Variants in NPAT observed in about 807,000 individuals in gnomAD.
NPAT encodes protein NPAT.
NPAT carries 52 observed loss-of-function variants against 130.7 expected under a neutral mutation model. That is an observed-to-expected ratio of 0.40 (90% CI 0.32 to 0.50). The LOEUF is 0.50. NPAT is among the 20% of genes least tolerant of loss of function. NPAT has a pLI of 0.68. For synonymous variants in NPAT, 580 were observed against 584.8 expected, an observed-to-expected ratio of 0.99 and a Z score of 0.12; for missense variants, 1,687 against 1,662.6, an observed-to-expected ratio of 1.01 and a Z score of -0.26.
Position 108,186,476 on chromosome 11 carries a change from A to T in NPAT, c.726+6T>A. The T allele has an allele frequency of 6.2e-7, 1 of 1,611,898 alleles. No homozygotes were observed. Among genetic ancestry groups the T allele is most frequent in the Non-Finnish European group, 8.5e-7 (1 of 1,178,040 alleles). Reference sequence around the variant, plus strand: ...TTAAGTTGCAAAGTTTGGCAGAGTCACTTACTTTTTCTACTGCAAAAGCGT... The same window carrying T: ...TTAAGTTGCAAAGTTTGGCAGAGTCTCTTACTTTTTCTACTGCAAAAGCGT... On this transcript the variant is annotated splice_donor_region_variant and intron_variant, in intron 8 of 17. Transcript: ENST00000278612.
At chr11:108,199,282 A>G (rs779072778) in intron 1 of NPAT, among the ~76,000 whole-genome samples, 2 of 152,174 alleles carry the variant, frequency 1.3e-5, no homozygotes, top group African/African-American at 4.8e-5. Context: ...GTGGAAGACA[A>G]TCATGGCACA....
intron 10 of NPAT, among the ~76,000 whole-genome samples, chr11:108,184,514 ACT>A (rs2078086357): frequency 7.1e-6 from 1 of 140,428 alleles, no homozygotes; most frequent in Non-Finnish European, 1.5e-5. Context: ...GTTAACTATT[ACT>A]TGGATTCATT....
chr11:108,167,584 A>C (rs572237718), intron 15 of NPAT, among the ~76,000 whole-genome samples: 1 of 152,316 alleles, frequency 6.6e-6, no homozygotes, highest in South Asian at 2.1e-4. Context: ...GTGGAAGTAT[A>C]ATCAGATGTC....
Position 108,172,740 on chromosome 11 carries a change from T to C in NPAT, c.2244A>G (p.Pro748=), listed in dbSNP as rs372808590. Residue 748 remains proline (P), a synonymous_variant, in exon 13 of 18, where the codon CCA becomes CCG. Transcript: ENST00000278612. ...TAAGTTCAGTATCTGAGGAAACAAA[T>C]GGATCATCACTAATGATAACTTTGA... ...VSLKVIISDD[P]FVSSDTELTS... The C allele has an allele frequency of 6.2e-7, 1 of 1,613,416 alleles. No individual in the cohort carries two copies. Among genetic ancestry groups the C allele is most frequent in the African/African-American group, 1.3e-5 (1 of 74,914 alleles).
intron 1 of NPAT, among the ~76,000 whole-genome samples, chr11:108,202,809 G>A (rs929100021): frequency 1.3e-5 from 2 of 152,054 alleles, no homozygotes; most frequent in African/African-American, 2.4e-5. Flanking sequence ...TCCTAGTGTG[G>A]GTAGATATCT....
In NPAT at chr11:108,172,387, A is replaced by C; in HGVS notation, c.2597T>G (p.Ile866Ser). ...ATCAGTCACACAGGTAGCTATCAGA[A>C]TGTTATTTGAATTGCCAAAAGCTGT... The part of the protein sequence containing the change: ...TSTAFGNSNN[I>S]LIATCVTDPT... The change falls in exon 13 of 18, where the codon ATT (isoleucine) becomes AGT (serine). Residue 866 changes from isoleucine (I) to serine (S), a missense_variant. Transcript: ENST00000278612. The C allele has an allele frequency of 1.9e-6, 3 of 1,614,214 alleles. 1 individual carries two copies. In the South Asian group the frequency reaches 3.3e-5, roughly 18 times the overall value.
rs554923299 is a variant in NPAT, at chr11:108,158,758, C to T, written c.*184G>A. ...ACGTTTTTCCCAAAATAAAAATATA[C>T]CAAGTAAGTCTATTTACAAACTAGG... On this transcript the variant is annotated 3_prime_UTR_variant, in exon 18 of 18. Coordinates refer to ENST00000278612, the MANE Select transcript of NPAT (RefSeq NM_002519.3). 36 of 533,734 alleles carry T rather than the reference C, an allele frequency of 6.7e-5. 1 individual carries two copies. In the South Asian group the frequency reaches 7.7e-4, roughly 11 times the overall value. The allele number at this position is 533,734 out of a possible 1,614,324, so 33.1% of individuals were successfully genotyped here.
intron 1 of NPAT, among the ~76,000 whole-genome samples, chr11:108,214,423 T>C (rs958310383): frequency 1.6e-4 from 24 of 152,014 alleles, no homozygotes; most frequent in Admixed American, 1.4e-3. Context: ...GAAAGTAGAT[T>C]TGTGGTTGGC....
chr11:108,209,410 C>G (rs1260322811), intron 1 of NPAT, among the ~76,000 whole-genome samples: 3 of 152,014 alleles, frequency 2.0e-5, no homozygotes. Flanking sequence ...ATTCAAGAGC[C>G]TGTGTCTAAA....
Position 108,170,012 on chromosome 11 carries a change from C to A in NPAT, c.2817G>T (p.Gln939His). The change falls in exon 14 of 18, where the codon CAG becomes CAT. Residue 939 changes from glutamine to histidine, a missense_variant. Around this residue, in one of 3 missense-constraint regions of NPAT, gnomAD observed 1,379 missense variants for 1,346.6 expected, o/e 1.02. Transcript: ENST00000278612. ...TCCCTACCATTCCTTGGAGTACAGG[C>A]TGGACTGGAGAGGCAATTATTATGG... Reference protein sequence around the residue: ...GSAIIIASPVQPVLQGMVGMI... With the variant: ...GSAIIIASPVHPVLQGMVGMI... 1 of 1,613,540 alleles carries A rather than the reference C, an allele frequency of 6.2e-7. No homozygotes were observed. The highest frequency in any genetic ancestry group is 8.5e-7 in the Non-Finnish European group (1 of 1,179,558).
chr11:108,190,835 G>A (rs1435501254), intron 4 of NPAT, among the ~76,000 whole-genome samples: 1 of 152,182 alleles, frequency 6.6e-6, no homozygotes, highest in Non-Finnish European at 1.5e-5. Context: ...CACCCTGGGG[G>A]GCTGAGGTGA....
At chr11:108,167,816 T>C (rs11212536) in intron 15 of NPAT, among the ~76,000 whole-genome samples, 4,146 of 152,272 alleles carry the variant, frequency 0.027, 139 homozygotes, top group African/African-American at 0.081. Context: ...TAAAAACAAG[T>C]GTCAGACTGT....
In NPAT at chr11:108,185,404, T is replaced by A; in HGVS notation, c.817A>T (p.Ser273Cys). 1 of 1,590,148 alleles carries A rather than the reference T, an allele frequency of 6.3e-7. No individual in the cohort carries two copies. The highest frequency in any genetic ancestry group is 1.7e-4 in the Middle Eastern group (1 of 5,994). The change falls in exon 9 of 18, where the codon AGT (serine) becomes TGT (cysteine). Residue 273 changes from serine (S) to cysteine (C), a missense_variant and splice_region_variant. By Grantham distance (112) the Ser-to-Cys change is moderately radical. Transcript: ENST00000278612. The stretch of plus-strand genomic sequence containing the variant: ...GCATTTTAAACATATATAGCTTACC[T>A]AGTTAAAAATTTATTTATGTTTTCT... ...LAENINKFLT[S>C]DNNIAQVPKQ...
At position 108,189,199 on chromosome 11, in the gene NPAT, T is replaced by C; in HGVS notation, c.463A>G (p.Thr155Ala). Residue 155 changes from threonine to alanine, a missense_variant, in exon 6 of 18, where the codon ACA becomes GCA. Transcript: ENST00000278612. ...TGGCCACTTGGTCGAGTAACCTGTG[T>C]ACCTGTGGAAGGAGGAGTGGTAAAC... ...GQFTTPPSTG[T>A]QVTRPSGQIS... 1 of 1,614,200 alleles carries C rather than the reference T, an allele frequency of 6.2e-7. No individual in the cohort carries two copies. Among genetic ancestry groups the C allele is most frequent in the Non-Finnish European group, 8.5e-7 (1 of 1,180,026 alleles).
At position 108,161,237 on chromosome 11, in the gene NPAT, A is replaced by G. The variant is rs746572700; in HGVS notation, c.3849T>C (p.Pro1283=). The change falls in exon 17 of 18, where the codon CCT becomes CCC. Residue 1283 remains proline, a synonymous_variant. Transcript: ENST00000278612. ...SGAGEKHKEE[P]IDIIKAPSSR... Reference sequence around the variant, plus strand: ...TAGAGGGGGCCTTGATAATATCTATAGGTTCTTCTTTATGTTTTTCCCCTG... The same window carrying G: ...TAGAGGGGGCCTTGATAATATCTATGGGTTCTTCTTTATGTTTTTCCCCTG... 12 of 1,614,102 alleles carry G rather than the reference A, an allele frequency of 7.4e-6. No individual in the cohort carries two copies. The highest frequency in any genetic ancestry group is 1.0e-5 in the Non-Finnish European group (12 of 1,180,016).
chr11:108,165,452 T>TTA (rs10678040), intron 15 of NPAT, among the ~76,000 whole-genome samples: 18,780 of 133,630 alleles, frequency 0.14, 1,663 homozygotes, highest in Admixed American at 0.25. Flanking sequence ...ACATATGTAT[T>TTA]TATATATATA....
intron 13 of NPAT, chr11:108,171,116 A>G (rs2077946055): frequency 6.7e-6 from 1 of 148,494 alleles, no homozygotes; most frequent in South Asian, 2.1e-4. Flanking sequence ...AGCCCCTATG[A>G]AAAAAGGATT....
At chr11:108,175,755 T>C (rs972971268) in intron 12 of NPAT, among the ~76,000 whole-genome samples, 8 of 152,118 alleles carry the variant, frequency 5.3e-5, no homozygotes, top group Admixed American at 2.6e-4. Context: ...GTGATAACAT[T>C]TAAAAACAGG....
In NPAT at chr11:108,161,504, AC is replaced by A; in HGVS notation, c.3581del (p.Gly1194ValfsTer8). On this transcript the variant is annotated frameshift_variant, in exon 17 of 18. Transcript: ENST00000278612. LOFTEE classifies it high-confidence loss of function. Reference sequence around the variant, plus strand: ...AAGCTATAGATTTCTCACTTCGCAAACCCCCATTTTGCTGCCCAATAGATAG... The same window carrying A: ...AAGCTATAGATTTCTCACTTCGCAAACCCCATTTTGCTGCCCAATAGATAG... ...SKLSIGQQNGGLRSEKSIASL... is the reference protein window; with the variant it reads ...SKLSIGQQNGXLRSEKSIASL... 1 of 1,613,880 alleles carries A rather than the reference AC, an allele frequency of 6.2e-7. No homozygotes were observed. Among genetic ancestry groups the A allele is most frequent in the Non-Finnish European group, 8.5e-7 (1 of 1,179,956 alleles).
Sources: allele counts gnomAD v4.1 joint callset (sites outside exome capture counted in the v4.1 genomes callset), GRCh38; gene constraint gnomAD v4.1.1; regional missense constraint gnomAD v4.1.1; transcripts MANE v1.5; gene names NCBI Gene and HGNC (gene_info 2026-07-23, HGNC 2026-07-21).